ASNS: variants seen among roughly 807,000 people sequenced by gnomAD.
The protein encoded by ASNS is asparagine synthetase (glutamine-hydrolyzing), also known as asparagine synthetase [glutamine-hydrolyzing].
A neutral mutation model predicts 62.6 loss-of-function variants in ASNS; 37 were observed. The ratio of observed to expected loss-of-function variants is 0.59; its 90% CI spans 0.45 to 0.78. The LOEUF (loss-of-function observed/expected upper bound fraction) is 0.78. Among genes scored for constraint, ASNS ranks in the 30% least tolerant of loss-of-function variants. The pLI, the probability that ASNS is intolerant of heterozygous loss-of-function variation, is 0.00. For missense variants in ASNS, 520 were observed against 682.4 expected (o/e 0.76, Z 2.65); for synonymous variants, 207 against 237.9 (o/e 0.87, Z 1.19).
At position 97,869,148 on chromosome 7, in the gene ASNS, G is replaced by T. The variant is rs187946887; in HGVS notation, c.9C>A (p.Gly3=). Reference sequence around the variant, plus strand: ...CATCACTGCCAAACAGCGCCCAAATGCCACACATGGTGCAATGAAGCTATA... The same window carrying T: ...CATCACTGCCAAACAGCGCCCAAATTCCACACATGGTGCAATGAAGCTATA... MC[G]IWALFGSDDC... is the part of the protein sequence containing the mutation. The change falls in exon 3 of 13, where the codon GGC becomes GGA. Residue 3 remains glycine (G), a synonymous_variant. Transcript: ENST00000394308. 1 of 1,613,976 alleles carries T rather than the reference G, an allele frequency of 6.2e-7. No homozygotes were observed. The highest frequency in any genetic ancestry group is 8.5e-7 in the Non-Finnish European group (1 of 1,179,888).
At chr7:97,912,591 T>TTTTTTTC in the ASNS span, among the ~76,000 whole-genome samples, 3 of 79,380 alleles carry the variant, frequency 3.8e-5, no homozygotes, top group African/African-American at 1.0e-4. Flanking sequence ...TTTTTTTTTT[T>TTTTTTTC]TTCTGTTTTC....
At chr7:97,916,912 A>G in the ASNS span, among the ~76,000 whole-genome samples, 2 of 152,190 alleles carry the variant, frequency 1.3e-5, no homozygotes, top group Non-Finnish European at 2.9e-5. Context: ...AGAAGACAGG[A>G]GCACACAGGT....
intron 3 of ASNS, 49 bp from the exon 4 acceptor site, chr7:97,864,545 C>T (rs751457628): frequency 7.6e-7 from 1 of 1,309,886 alleles, no homozygotes; most frequent in Admixed American, 1.7e-5. Context: ...TGTACATTCA[C>T]TAATAATTTT....
chr7:97,872,929 C>CA (rs1792354639), upstream of ASNS, among the ~76,000 whole-genome samples: 2 of 152,208 alleles, frequency 1.3e-5, no homozygotes, highest in Admixed American at 1.3e-4. Context: ...AGCGAGATCA[C>CA]ATCTCTATAA....
At chr7:97,883,769 T>C in the ASNS span, among the ~76,000 whole-genome samples, 2 of 151,796 alleles carry the variant, frequency 1.3e-5, no homozygotes, top group South Asian at 4.2e-4. Context: ...GGTCGGATCA[T>C]GACGTTAGGA....
upstream of ASNS, among the ~76,000 whole-genome samples, chr7:97,873,260 T>C (rs1162911811): frequency 6.6e-6 from 1 of 152,236 alleles, no homozygotes; most frequent in Non-Finnish European, 1.5e-5. Flanking sequence ...AAAAGTATCA[T>C]AACACTCTTA....
chr7:97,924,854 C>G, the ASNS span, among the ~76,000 whole-genome samples: 1 of 151,986 alleles, frequency 6.6e-6, no homozygotes, highest in Non-Finnish European at 1.5e-5. Context: ...ATGCTATGCC[C>G]AGCCCAGCGT....
intron 3 of ASNS, among the ~76,000 whole-genome samples, chr7:97,868,544 T>TGTGTGTGTGTGTGTGTGTGTGTGTGC (rs1554350460): frequency 1.3e-5 from 2 of 151,854 alleles, no homozygotes; most frequent in Admixed American, 1.3e-4. Context: ...TGTGTGTGTG[T>TGTGTGTGTGTGTGTGTGTGTGTGTGC]AGAAAGAAAA....
chr7:97,853,873 G>C (rs1284797237), intron 10 of ASNS, among the ~76,000 whole-genome samples: 2 of 152,104 alleles, frequency 1.3e-5, no homozygotes, highest in African/African-American at 4.8e-5. Context: ...CAAATCACCG[G>C]TTTCCTGAAG....
the ASNS span, among the ~76,000 whole-genome samples, chr7:97,897,263 T>TA: frequency 2.0e-5 from 3 of 152,166 alleles, no homozygotes; most frequent in South Asian, 4.1e-4. Flanking sequence ...CAAGATGGCC[T>TA]ACAGACTTAA....
intron 3 of ASNS, 127 bp downstream of exon 3, chr7:97,868,781 G>A: frequency 1.5e-6 from 2 of 1,361,300 alleles, no homozygotes; most frequent in Non-Finnish European, 2.0e-6. Context: ...CATACTTAGA[G>A]CAAATGAGAT....
the ASNS span, among the ~76,000 whole-genome samples, chr7:97,900,895 T>C: frequency 6.6e-6 from 1 of 152,084 alleles, no homozygotes; most frequent in African/African-American, 2.4e-5. Flanking sequence ...GAACTGACTT[T>C]CCTGTACTTG....
At chr7:97,874,206 C>T (rs75385699), upstream of ASNS, among the ~76,000 whole-genome samples, 1 of 151,918 alleles carries the variant, frequency 6.6e-6, no homozygotes, top group African/African-American at 2.4e-5. Context: ...AGGAATTCAG[C>T]GATATTTCTC....
chr7:97,863,484 G>A (rs1362813242), intron 4 of ASNS: 1 of 152,346 alleles, frequency 6.6e-6, no homozygotes, highest in Non-Finnish European at 1.5e-5. Context: ...TGCAGCTGAT[G>A]GATATGGAGA....
chr7:97,896,741 C>CACACACATAT, the ASNS span, among the ~76,000 whole-genome samples: 37 of 19,770 alleles, frequency 1.9e-3, no homozygotes, highest in African/African-American at 4.0e-3. Flanking sequence ...CACACACACA[C>CACACACATAT]ATATATATAT....
At chr7:97,862,036 A>T (rs1791747549) in intron 4 of ASNS, among the ~76,000 whole-genome samples, 1 of 152,196 alleles carries the variant, frequency 6.6e-6, no homozygotes, top group African/African-American at 2.4e-5. Flanking sequence ...GTATCCTGCA[A>T]CCCTGATGAA....
At chr7:97,882,262 C>G in the ASNS span, among the ~76,000 whole-genome samples, 1 of 152,286 alleles carries the variant, frequency 6.6e-6, no homozygotes, top group African/African-American at 2.4e-5. Flanking sequence ...TTAAAAACAA[C>G]TCCAGGCCAG....
At chr7:97,894,480 C>CAAAAAAAAAAAAAAAA in the ASNS span, among the ~76,000 whole-genome samples, 7 of 36,544 alleles carry the variant, frequency 1.9e-4, no homozygotes, top group Admixed American at 3.8e-4. Flanking sequence ...TGAGGCTAAC[C>CAAAAAAAAAAAAAAAA]AAAAAAAAAA....
At chr7:97,869,936 A>G (rs1792173233) in intron 1 of ASNS, 123 bp from the exon 2 acceptor site, 1 of 170,868 alleles carries the variant, frequency 5.9e-6, no homozygotes, top group Non-Finnish European at 1.2e-5. Flanking sequence ...ACTGACAAAA[A>G]TGTTCTCAAA....
Sources: gnomAD v4.1 joint callset for allele counts (sites outside exome capture counted in the v4.1 genomes callset) on GRCh38, gnomAD v4.1.1 for gene constraint, MANE v1.5 for transcripts, NCBI Gene and HGNC (gene_info 2026-07-23, HGNC 2026-07-21) for gene names.